Variants in DPYS observed in about 807,000 individuals in gnomAD.
DPYS encodes the protein dihydropyrimidine amidohydrolase.
In DPYS, 39 loss-of-function variants were observed where a neutral mutation model predicts 50.3. The ratio of observed to expected loss-of-function variants is 0.78; its 90% CI spans 0.60 to 1.01. The LOEUF is 1.01. Among genes scored for constraint, DPYS ranks in the 50% least tolerant of loss-of-function variants. DPYS has a pLI of 0.00. For missense variants in DPYS, 659 were observed against 680.9 expected, an observed-to-expected ratio of 0.97 and a Z score of 0.36; for synonymous variants, 245 against 250.7, an observed-to-expected ratio of 0.98 and a Z score of 0.22.
Position 104,404,684 on chromosome 8 carries a change from T to C in DPYS, c.1236-11693A>G, listed in dbSNP as rs143157685. ...CAATGACAGGAGTCTGACCTCAAAT[T>C]TCTAAACCAGAGGTTGGCAAACCAT... On this transcript the variant is annotated intron_variant, in intron 7 of 9. Transcript: ENST00000351513. Among the ~76,000 whole-genome samples, 209 of 152,374 alleles carry C rather than the reference T, an allele frequency of 1.4e-3. 1 individual carries two copies. The highest frequency in any genetic ancestry group is 4.4e-3 in the East Asian group (23 of 5,194).
At position 104,381,244 on chromosome 8, in the gene DPYS, G is replaced by A. The variant is rs374649683; in HGVS notation, c.1514C>T (p.Thr505Ile). 8.7e-6 allele frequency: 14 copies of A among 1,613,704 alleles called. No homozygotes were observed. Among genetic ancestry groups the A allele is most frequent in the Non-Finnish European group, 1.2e-5 (14 of 1,180,038 alleles). The change falls in exon 9 of 10, where the codon ACA becomes ATA. Residue 505 changes from threonine to isoleucine, a missense_variant. Transcript: ENST00000351513. ...GEVATLKSRV[T>I]KEDATAGTRK... ...GGTCCCTGCTGTGGCATCTTCTTTT[G>A]TCACTCTGGATTTCAGTGTGGCGAC...
At chr8:104,458,476 C>T (rs1814006816) in intron 1 of DPYS, among the ~76,000 whole-genome samples, 1 of 152,156 alleles carries the variant, frequency 6.6e-6, no homozygotes. Context: ...ATTCTTAGCC[C>T]TGGATCATGC....
chr8:104,410,310 C>T (rs1288176645), intron 7 of DPYS, among the ~76,000 whole-genome samples: 1 of 152,150 alleles, frequency 6.6e-6, no homozygotes, highest in Non-Finnish European at 1.5e-5. Context: ...ATCCATCCTA[C>T]ACACTCATCA....
chr8:104,424,423 C>G lies in DPYS; in HGVS notation c.1093-34G>C, dbSNP rs776448083. ...CAATTCAAAGAATCATTCTAATGAT[C>G]AAATACTAAAAAGTATCCTATCGAT... On this transcript the variant is annotated intron_variant, in intron 6 of 9. Transcript: ENST00000351513. The G allele has an allele frequency of 2.5e-6, 4 of 1,607,016 alleles. No individual in the cohort carries two copies. In the East Asian group the frequency reaches 8.9e-5, roughly 36 times the overall value.
intron 1 of DPYS, among the ~76,000 whole-genome samples, chr8:104,454,328 G>A (rs1393038989): frequency 6.6e-6 from 1 of 152,218 alleles, no homozygotes; most frequent in African/African-American, 2.4e-5. Flanking sequence ...AGAGGTTGCG[G>A]TGAGCCGAGA....
At chr8:104,380,855 G>T in intron 9 of DPYS, 1 of 224,014 alleles carries the variant, frequency 4.5e-6, no homozygotes, top group Non-Finnish European at 9.1e-6. Context: ...TGTAAATTTT[G>T]ACCATGAAAT....
chr8:104,399,030 C>A (rs979392819), intron 7 of DPYS, among the ~76,000 whole-genome samples: 1 of 152,138 alleles, frequency 6.6e-6, no homozygotes, highest in Admixed American at 6.5e-5. Context: ...GTGGCTCACG[C>A]CTGTAATCCC....
intron 7 of DPYS, chr8:104,420,660 C>A (rs1472885409): frequency 3.6e-5 from 4 of 109,784 alleles, no homozygotes; most frequent in African/African-American, 6.9e-5. Flanking sequence ...AAGGGAGGCT[C>A]AATCAATTCA....
intron 3 of DPYS, among the ~76,000 whole-genome samples, chr8:104,445,470 C>T (rs1813493621): frequency 6.6e-6 from 1 of 152,182 alleles, no homozygotes; most frequent in African/African-American, 2.4e-5. Context: ...TTTGCAACAA[C>T]ATGGATGGAA....
chr8:104,434,427 C>A (rs1371569897), intron 4 of DPYS, among the ~76,000 whole-genome samples: 3 of 152,136 alleles, frequency 2.0e-5, no homozygotes, highest in Non-Finnish European at 4.4e-5. Flanking sequence ...CCCCGCATGG[C>A]CTGAAACAGA....
rs1163571583 is a variant in DPYS at position 104,397,821 on chromosome 8, C to A, written c.1236-4830G>T. Among the ~76,000 whole-genome samples, 4 of 152,270 alleles carry A rather than the reference C, an allele frequency of 2.6e-5. No individual in the cohort carries two copies. In the Middle Eastern group the frequency reaches 0.01, roughly 388 times the overall value. On this transcript the variant is annotated intron_variant, in intron 7 of 9. Transcript: ENST00000351513. ...TGTGAGAGGCAGAAACCACTTCCAA[C>A]TTTTGAGAATACTGTTATATTTGTA...
intron 8 of DPYS, among the ~76,000 whole-genome samples, chr8:104,390,067 A>G (rs370138423): frequency 6.6e-6 from 1 of 152,248 alleles, no homozygotes; most frequent in African/African-American, 2.4e-5. Context: ...ATGGTCTATC[A>G]GGGTTCCCTG....
chr8:104,416,006 T>TTGGTTCCAA (rs1202343799), intron 7 of DPYS, among the ~76,000 whole-genome samples: 1 of 151,982 alleles, frequency 6.6e-6, no homozygotes, highest in East Asian at 1.9e-4. Flanking sequence ...CATCTTATGA[T>TTGGTTCCAA]GCTACCTTAA....
chr8:104,434,453 T>C (rs1813059794), intron 4 of DPYS, among the ~76,000 whole-genome samples: 1 of 152,174 alleles, frequency 6.6e-6, no homozygotes, highest in South Asian at 2.1e-4. Flanking sequence ...GGGTTAACTT[T>C]GGAATGCCCT....
At chr8:104,426,733 A>C (rs1382199544) in intron 6 of DPYS, among the ~76,000 whole-genome samples, 1 of 152,238 alleles carries the variant, frequency 6.6e-6, no homozygotes, top group Non-Finnish European at 1.5e-5. Context: ...ACAGCTCCAC[A>C]TGTCAACTGG....
At chr8:104,382,773 C>T (rs1339074176) in intron 8 of DPYS, among the ~76,000 whole-genome samples, 3 of 152,144 alleles carry the variant, frequency 2.0e-5, no homozygotes, top group Non-Finnish European at 4.4e-5. Context: ...TGACTTCTCT[C>T]TGCTCCTCTT....
At chr8:104,458,654 C>T (rs80274300) in intron 1 of DPYS, among the ~76,000 whole-genome samples, 15 of 152,140 alleles carry the variant, frequency 9.9e-5, no homozygotes, top group African/African-American at 3.4e-4. Flanking sequence ...CTAAAAGTCA[C>T]GAGATGGAAT....
chr8:104,384,533 C>G (rs1811152146), intron 8 of DPYS, among the ~76,000 whole-genome samples: 1 of 152,244 alleles, frequency 6.6e-6, no homozygotes. Context: ...CAACTCTTAG[C>G]AATCCTTGTC....
intron 8 of DPYS, among the ~76,000 whole-genome samples, chr8:104,390,151 G>A (rs986925354): frequency 3.9e-5 from 6 of 152,150 alleles, no homozygotes; most frequent in South Asian, 2.1e-4. Flanking sequence ...CACTTCAGGC[G>A]TCACATAATC....
Sources: gnomAD v4.1 joint callset for allele counts (sites outside exome capture counted in the v4.1 genomes callset) on GRCh38, gnomAD v4.1.1 for gene constraint, MANE v1.5 for transcripts, NCBI Gene and HGNC (gene_info 2026-07-23, HGNC 2026-07-21) for gene names.